The following GRM8 variants were observed in gnomAD, a reference collection of about 807,000 sequenced individuals.
GRM8 encodes metabotropic glutamate receptor 8.
Under a neutral mutation model 87.2 loss-of-function variants are expected in GRM8, and 47 were observed. The observed-to-expected ratio is 0.54, with a 90% CI of 0.43 to 0.69. The LOEUF (loss-of-function observed/expected upper bound fraction) is 0.69. GRM8 is among the 30% of genes least tolerant of loss of function. The probability of loss-of-function intolerance (pLI) is 0.00; values close to 1 mark genes in which losing one functional copy is unlikely to be tolerated. For synonymous variants in GRM8, 396 were observed against 404.5 expected, an observed-to-expected ratio of 0.98 and a Z score of 0.25; for missense variants, 1,019 against 1,139.2, an observed-to-expected ratio of 0.89 and a Z score of 1.52.
Position 126,769,970 on chromosome 7 carries a change from T to C in GRM8, c.1252A>G (p.Asn418Asp), listed in dbSNP as rs775979475. Residue 418 changes from asparagine (N) to aspartate (D), a missense_variant, in exon 7 of 11, where the codon AAT becomes GAT. Asn to Asp is a conservative substitution (Grantham distance 23). Coordinates refer to ENST00000339582, the MANE Select transcript of GRM8 (RefSeq NM_000845.3). ...AVYSMAYALH[N>D]MHKDLCPGYI... The stretch of plus-strand genomic sequence containing the variant: ...CCAGGGCAGAGATCTTTGTGCATAT[T>C]GTGCAGGGCGTAAGCCATGGAATAT... 6.2e-7 allele frequency: 1 copy of C among 1,612,422 alleles called. No homozygotes were observed. Among genetic ancestry groups the C allele is most frequent in the Non-Finnish European group, 8.5e-7 (1 of 1,178,668 alleles).
At chr7:127,205,782 G>A (rs1234910500) in intron 2 of GRM8, among the ~76,000 whole-genome samples, 3 of 152,106 alleles carry the variant, frequency 2.0e-5, no homozygotes, top group South Asian at 2.1e-4. Context: ...TCACAAACAC[G>A]ACTTTTTCCC....
chr7:127,142,728 G>A (rs1350024643), intron 2 of GRM8, among the ~76,000 whole-genome samples: 1 of 151,976 alleles, frequency 6.6e-6, no homozygotes, highest in Non-Finnish European at 1.5e-5. Context: ...TGGATGGACG[G>A]ACAGATGGAC....
chr7:126,815,619 T>C (rs147511183), intron 6 of GRM8, among the ~76,000 whole-genome samples: 43 of 152,292 alleles, frequency 2.8e-4, no homozygotes, highest in Non-Finnish European at 4.6e-4. Context: ...TAGTACAGGC[T>C]ATATGCTACC....
intron 2 of GRM8, among the ~76,000 whole-genome samples, chr7:127,111,977 G>A (rs534690450): frequency 4.0e-5 from 6 of 151,430 alleles, no homozygotes; most frequent in South Asian, 2.1e-4. Flanking sequence ...GCAGGGAGCC[G>A]AAATCACACC....
intron 6 of GRM8, among the ~76,000 whole-genome samples, chr7:126,784,895 C>T (rs10282012): frequency 5.3e-5 from 8 of 152,118 alleles, no homozygotes; most frequent in South Asian, 2.1e-4. Flanking sequence ...AACATGCCCA[C>T]GTACAGTGTA....
At chr7:126,847,950 G>A (rs1796857992) in intron 6 of GRM8, among the ~76,000 whole-genome samples, 1 of 152,066 alleles carries the variant, frequency 6.6e-6, no homozygotes, top group African/African-American at 2.4e-5. Context: ...AGATCAAGAG[G>A]GATTTCTCCT....
intron 8 of GRM8, among the ~76,000 whole-genome samples, chr7:126,607,458 CAA>C (rs11335465): frequency 2.0e-4 from 30 of 150,840 alleles, no homozygotes; most frequent in East Asian, 1.4e-3. Context: ...AAATACAAAA[CAA>C]AAAAAAATTG....
chr7:127,166,503 C>T (rs79075440), intron 2 of GRM8, among the ~76,000 whole-genome samples: 1 of 152,120 alleles, frequency 6.6e-6, no homozygotes. Flanking sequence ...CAGCTTGTTG[C>T]AGGGTCCACA....
chr7:126,805,006 A>G (rs1311717681), intron 6 of GRM8, among the ~76,000 whole-genome samples: 1 of 152,134 alleles, frequency 6.6e-6, no homozygotes, highest in East Asian at 1.9e-4. Flanking sequence ...CCATGAACCT[A>G]TTCTGACACT....
intron 9 of GRM8, among the ~76,000 whole-genome samples, chr7:126,520,949 T>C (rs1046155977): frequency 6.6e-5 from 10 of 152,136 alleles, no homozygotes; most frequent in Admixed American, 5.2e-4. Context: ...TGCCATTTGA[T>C]TGGACATTTT....
chr7:126,526,858 A>C (rs1441859792), intron 9 of GRM8, among the ~76,000 whole-genome samples: 1 of 152,226 alleles, frequency 6.6e-6, no homozygotes, highest in African/African-American at 2.4e-5. Flanking sequence ...CATATCATTT[A>C]AATTAAGAGC....
chr7:126,533,834 G>A lies in GRM8; in HGVS notation c.1548C>T (p.Cys516=), dbSNP rs780936883. ...HREHTHPASV[C]SLPCKPGERK... is the part of the protein sequence containing the mutation. Reference sequence around the variant, plus strand: ...TCTCCCCTGGCTTACACGGCAGGCTGCAGACAGACGCCGGGTGAGTATGTT... The same window carrying A: ...TCTCCCCTGGCTTACACGGCAGGCTACAGACAGACGCCGGGTGAGTATGTT... The change falls in exon 9 of 11, where the codon TGC becomes TGT. Residue 516 remains cysteine (C), a synonymous_variant. Coordinates refer to ENST00000339582, the MANE Select transcript of GRM8 (RefSeq NM_000845.3). The A allele has an allele frequency of 6.2e-7, 1 of 1,614,048 alleles. No individual in the cohort carries two copies. The highest frequency in any genetic ancestry group is 2.2e-5 in the East Asian group (1 of 44,860).
At chr7:127,142,983 A>C (rs1434868972) in intron 2 of GRM8, among the ~76,000 whole-genome samples, 1 of 152,086 alleles carries the variant, frequency 6.6e-6, no homozygotes, top group East Asian at 1.9e-4. Context: ...TCTTTCCACC[A>C]CTCCAAGGAG....
chr7:126,918,709 T>C (rs1175161483), intron 3 of GRM8, among the ~76,000 whole-genome samples: 2 of 152,250 alleles, frequency 1.3e-5, no homozygotes, highest in South Asian at 2.1e-4. Flanking sequence ...TATTGCATTA[T>C]TTAAAGATGC....
Position 127,108,415 on chromosome 7 carries a change from G to A in GRM8, c.511-1703C>T, listed in dbSNP as rs1174364307. On this transcript the variant is annotated intron_variant, in intron 2 of 10. Coordinates refer to ENST00000339582, the MANE Select transcript of GRM8 (RefSeq NM_000845.3). ...AGTCAGCCATCTGACTTTCACTTTA[G>A]AAGAAATTATATGTATGTGCGAGTA... Among the ~76,000 whole-genome samples the A allele has an allele frequency of 2.6e-5, 4 of 152,080 alleles. No individual in the cohort carries two copies. In the East Asian group the frequency reaches 7.7e-4, roughly 29 times the overall value.
At chr7:126,692,009 C>T (rs1447548211) in intron 7 of GRM8, among the ~76,000 whole-genome samples, 1 of 151,974 alleles carries the variant, frequency 6.6e-6, no homozygotes, top group Non-Finnish European at 1.5e-5. Flanking sequence ...TTCTCAATGG[C>T]AAGTTTAGGG....
chr7:127,129,918 A>G (rs997414213), intron 2 of GRM8, among the ~76,000 whole-genome samples: 9 of 152,168 alleles, frequency 5.9e-5, no homozygotes, highest in Non-Finnish European at 1.3e-4. Flanking sequence ...GTTTGGCTCT[A>G]TGTCCCCACC....
At chr7:127,176,190 A>G (rs938874887) in intron 2 of GRM8, among the ~76,000 whole-genome samples, 6 of 152,202 alleles carry the variant, frequency 3.9e-5, no homozygotes, top group African/African-American at 1.4e-4. Flanking sequence ...TAAGAAATGT[A>G]ATTGCTAGGA....
At chr7:126,451,195 C>G (rs1180678981) in intron 9 of GRM8, among the ~76,000 whole-genome samples, 2 of 151,926 alleles carry the variant, frequency 1.3e-5, no homozygotes, top group South Asian at 4.1e-4. Context: ...TGCCTGACAG[C>G]ATCTGAAACT....
Sources: allele counts gnomAD v4.1 joint callset (sites outside exome capture counted in the v4.1 genomes callset), GRCh38; gene constraint gnomAD v4.1.1; transcripts MANE v1.5; gene names NCBI Gene and HGNC (gene_info 2026-07-23, HGNC 2026-07-21).